Variants in TOMM70 observed in about 807,000 individuals in gnomAD.
TOMM70 encodes the protein mitochondrial import receptor subunit TOM70.
In TOMM70, 13 loss-of-function variants were observed where a neutral mutation model predicts 73.6. The ratio of observed to expected loss-of-function variants is 0.18; its 90% confidence interval spans 0.11 to 0.28. The LOEUF is 0.28. TOMM70 is among the 10% of genes least tolerant of loss of function. TOMM70 has a pLI of 1.00. For synonymous variants in TOMM70, 257 were observed against 271.2 expected (o/e 0.95, Z 0.51); for missense variants, 609 against 747.5 (o/e 0.81, Z 2.16).
At chr3:100,394,399 C>G (rs1375153005) in intron 1 of TOMM70, among the ~76,000 whole-genome samples, 5 of 142,416 alleles carry the variant, frequency 3.5e-5, no homozygotes, top group African/African-American at 1.4e-4. Context: ...TTTGCTCTGT[C>G]GCCCAGGGGG....
At chr3:100,368,241 A>G in intron 10 of TOMM70, 75 bp from the exon 11 acceptor site, 1 of 1,486,200 alleles carries the variant, frequency 6.7e-7, no homozygotes, top group Non-Finnish European at 9.0e-7. Context: ...AATATGACTC[A>G]ATTTCTGCCT....
intron 9 of TOMM70, among the ~76,000 whole-genome samples, chr3:100,370,557 G>A (rs1030965096): frequency 5.3e-5 from 8 of 152,146 alleles, no homozygotes; most frequent in African/African-American, 1.9e-4. Flanking sequence ...CAGTTCTGTG[G>A]ATATCAGACT....
At chr3:100,400,496 C>G in intron 1 of TOMM70, 130 bp downstream of exon 1, 1 of 1,031,052 alleles carries the variant, frequency 9.7e-7, no homozygotes, top group African/African-American at 1.6e-5. Flanking sequence ...AAATGAGTCT[C>G]CCTAAACCCA....
intron 1 of TOMM70, among the ~76,000 whole-genome samples, chr3:100,399,795 T>C (rs1706869495): frequency 6.7e-6 from 1 of 149,718 alleles, no homozygotes. Flanking sequence ...GGGGGCTGTG[T>C]GCAACCAAGC....
At chr3:100,368,717 G>T (rs1480506430) in intron 10 of TOMM70, among the ~76,000 whole-genome samples, 1 of 152,030 alleles carries the variant, frequency 6.6e-6, no homozygotes, top group South Asian at 2.1e-4. Context: ...CTGGGAATCG[G>T]GCATGTGCCA....
At position 100,369,025 on chromosome 3, in the gene TOMM70, CA is replaced by C; in HGVS notation, c.1550+12del. The C allele has an allele frequency of 6.4e-7, 1 of 1,567,722 alleles. No homozygotes were observed. The highest frequency in any genetic ancestry group is 2.2e-5 in the East Asian group (1 of 44,560). On this transcript the variant is annotated intron_variant, in intron 10 of 11. Coordinates refer to ENST00000284320, the MANE Select transcript of TOMM70 (RefSeq NM_014820.5). ...ATTTATTATCTCATTGGAACAATCACAAAAATACATACCCTTTATGAACATA... is the reference window on the plus strand; with the variant it reads ...ATTTATTATCTCATTGGAACAATCACAAAATACATACCCTTTATGAACATA...
chr3:100,400,933 G>A lies in TOMM70; in HGVS notation c.17C>T (p.Pro6Leu), dbSNP rs759670843. 4 of 1,531,610 alleles carry A rather than the reference G, an allele frequency of 2.6e-6. No individual in the cohort carries two copies. The African/African-American group carries it at 5.6e-5, about 21-fold the overall frequency. 94.9% of individuals were successfully genotyped at this position (1,531,610 alleles called of 1,614,324 possible). The change falls in exon 1 of 12, where the codon CCT (proline) becomes CTT (leucine). Residue 6 changes from proline (P) to leucine (L), a missense_variant. Physicochemically the swap from Pro to Leu is moderately conservative, Grantham distance 98. Transcript: ENST00000284320. ...GGCTGCGACCACCGCTGCCTCCACA[G>A]GTTTAGAGGCGGCCATGACAAGTGT... MAASKPVEAAVVAAAV... is the reference protein window; with the variant it reads MAASKLVEAAVVAAAV...
intron 9 of TOMM70, among the ~76,000 whole-genome samples, chr3:100,370,647 A>G (rs1706498581): frequency 2.0e-5 from 3 of 152,196 alleles, no homozygotes; most frequent in Admixed American, 6.5e-5. Flanking sequence ...CTAAGTATAT[A>G]TATATACACA....
chr3:100,380,206 G>A (rs1461999477), intron 5 of TOMM70, among the ~76,000 whole-genome samples: 2 of 151,994 alleles, frequency 1.3e-5, no homozygotes, highest in African/African-American at 2.4e-5. Flanking sequence ...ATTAGCTGGC[G>A]TCGTGGCATG....
intron 1 of TOMM70, among the ~76,000 whole-genome samples, chr3:100,389,629 T>C (rs1333102921): frequency 1.3e-5 from 2 of 151,232 alleles, no homozygotes; most frequent in Non-Finnish European, 3.0e-5. Context: ...TAAGGTAATA[T>C]AGACAAAATA....
At chr3:100,366,358 G>T (rs543912323) in intron 11 of TOMM70, among the ~76,000 whole-genome samples, 17 of 152,272 alleles carry the variant, frequency 1.1e-4, no homozygotes, top group African/African-American at 4.1e-4. Flanking sequence ...TAAGTAACTA[G>T]TATTAGCTAC....
intron 1 of TOMM70, among the ~76,000 whole-genome samples, chr3:100,388,456 C>G (rs950189050): frequency 2.6e-5 from 4 of 152,156 alleles, no homozygotes; most frequent in African/African-American, 9.7e-5. Flanking sequence ...TGGCACACAC[C>G]TATCGTTTCA....
intron 1 of TOMM70, among the ~76,000 whole-genome samples, chr3:100,390,886 T>C (rs1706751564): frequency 6.6e-6 from 1 of 151,978 alleles, no homozygotes; most frequent in Non-Finnish European, 1.5e-5. Flanking sequence ...ACGCTTGTAA[T>C]TCCAGCACTT....
chr3:100,379,687 G>A (rs992898715), intron 5 of TOMM70, among the ~76,000 whole-genome samples: 4 of 152,082 alleles, frequency 2.6e-5, no homozygotes, highest in African/African-American at 7.2e-5. Context: ...CATGATCTTG[G>A]CTCACTTCAA....
chr3:100,381,432 A>C (rs1259976544), intron 5 of TOMM70, among the ~76,000 whole-genome samples, 183 bp downstream of exon 5: 1 of 152,136 alleles, frequency 6.6e-6, no homozygotes, highest in Non-Finnish European at 1.5e-5. Flanking sequence ...TAACAGATAC[A>C]TGCTAGAAAG....
chr3:100,375,982 C>T (rs1706559241), intron 6 of TOMM70, among the ~76,000 whole-genome samples: 1 of 152,096 alleles, frequency 6.6e-6, no homozygotes, highest in African/African-American at 2.4e-5. Context: ...TATATTTCCA[C>T]CAGCAATGTA....
intron 1 of TOMM70, among the ~76,000 whole-genome samples, chr3:100,398,351 T>C (rs1338806710): frequency 5.8e-5 from 8 of 138,740 alleles, no homozygotes; most frequent in Non-Finnish European, 1.1e-4. Context: ...GCCACTGCAC[T>C]CCAGCCTGGG....
In TOMM70 at chr3:100,379,392, C is replaced by T. The variant is rs113916669; in HGVS notation, c.885-1480G>A. 6.2e-3 allele frequency among the ~76,000 whole-genome samples: 944 copies of T among 152,104 alleles called. 10 individuals carry two copies. Among genetic ancestry groups the T allele is most frequent in the African/African-American group, 0.021 (882 of 41,472 alleles). On this transcript the variant is annotated intron_variant, in intron 5 of 11. Transcript: ENST00000284320. ...TAATCCCAGTAGTATGGAAGGCTAA[C>T]GTGGGAGGATCACCTGGGCCCAGGA...
chr3:100,396,943 G>A (rs1341795636), intron 1 of TOMM70, among the ~76,000 whole-genome samples: 1 of 152,170 alleles, frequency 6.6e-6, no homozygotes, highest in African/African-American at 2.4e-5. Flanking sequence ...ATAGACAGAA[G>A]TCCAGTAATT....
Sources: allele counts gnomAD v4.1 joint callset (sites outside exome capture counted in the v4.1 genomes callset), GRCh38; gene constraint gnomAD v4.1.1; transcripts MANE v1.5; gene names NCBI Gene and HGNC (gene_info 2026-07-23, HGNC 2026-07-21).